Variants in DCC observed in about 807,000 individuals in gnomAD.
The protein encoded by DCC is DCC netrin 1 receptor.
Under a neutral mutation model 172.5 loss-of-function variants are expected in DCC, and 58 were observed. The observed-to-expected ratio is 0.34, with a 90% CI of 0.27 to 0.42. DCC has a LOEUF of 0.42. DCC is among the 10% of genes least tolerant of loss of function. The pLI is 1.00. For synonymous variants in DCC, 709 were observed against 644.5 expected (o/e 1.10, Z -1.52); for missense variants, 1,740 against 1,791.0 (o/e 0.97, Z 0.51).
At chr18:52,636,134 G>A (rs148777494) in intron 1 of DCC, among the ~76,000 whole-genome samples, 1 of 152,316 alleles carries the variant, frequency 6.6e-6, no homozygotes, top group East Asian at 1.9e-4. Flanking sequence ...CTGGAGCTGA[G>A]TCAATTAGGA....
chr18:53,052,514 G>A lies in DCC; in HGVS notation c.986-10791G>A, dbSNP rs1484728004. On this transcript the variant is annotated intron_variant, in intron 5 of 28. Transcript: ENST00000442544. ...GTGGCACTGTCCAGACATTCTACTT[G>A]CTCTAATGTAGTATAGGTTACTTCT... 2.6e-5 allele frequency among the ~76,000 whole-genome samples: 4 copies of A among 151,824 alleles called. No individual in the cohort carries two copies. In the East Asian group the frequency reaches 7.8e-4, roughly 30 times the overall value.
intron 14 of DCC, among the ~76,000 whole-genome samples, chr18:53,331,162 C>A (rs746002955): frequency 6.6e-6 from 1 of 152,062 alleles, no homozygotes; most frequent in African/African-American, 2.4e-5. Context: ...AAAATGAAAA[C>A]CCTAGCTTTC....
intron 2 of DCC, among the ~76,000 whole-genome samples, chr18:52,802,950 T>A (rs2038021198): frequency 6.6e-6 from 1 of 152,066 alleles, no homozygotes; most frequent in Non-Finnish European, 1.5e-5. Context: ...GAAAATGTTA[T>A]AAAGAAAACC....
chr18:52,674,385 C>T (rs1321645656), intron 1 of DCC, among the ~76,000 whole-genome samples: 1 of 152,122 alleles, frequency 6.6e-6, no homozygotes, highest in Non-Finnish European at 1.5e-5. Flanking sequence ...GAACCTTCTC[C>T]TTCCATTTGC....
intron 2 of DCC, among the ~76,000 whole-genome samples, chr18:52,886,825 T>G (rs1422316165): frequency 2.6e-5 from 4 of 152,220 alleles, no homozygotes; most frequent in Non-Finnish European, 5.9e-5. Flanking sequence ...ATTTGGTGTG[T>G]GTCAGCGGGG....
At chr18:52,608,498 G>A (rs950124057) in intron 1 of DCC, among the ~76,000 whole-genome samples, 2 of 152,136 alleles carry the variant, frequency 1.3e-5, no homozygotes, top group African/African-American at 4.8e-5. Context: ...ACTTGGAAAC[G>A]AGAGGAGGGG....
intron 1 of DCC, among the ~76,000 whole-genome samples, chr18:52,484,142 A>G (rs1446322450): frequency 2.0e-5 from 3 of 152,138 alleles, no homozygotes; most frequent in African/African-American, 7.2e-5. Context: ...CCTTATGACC[A>G]TGTACCTTCT....
intron 15 of DCC, among the ~76,000 whole-genome samples, chr18:53,380,456 T>A (rs1450948303): frequency 6.6e-6 from 1 of 152,220 alleles, no homozygotes; most frequent in Non-Finnish European, 1.5e-5. Context: ...CAATATTTTC[T>A]TGTTTTTTGT....
At chr18:52,776,524 G>A (rs1171907470) in intron 2 of DCC, among the ~76,000 whole-genome samples, 4 of 152,110 alleles carry the variant, frequency 2.6e-5, no homozygotes, top group Admixed American at 6.5e-5. Context: ...AACCAGAAAA[G>A]ATTAAATGGA....
chr18:53,144,593 C>G (rs58142657), intron 7 of DCC, among the ~76,000 whole-genome samples: 23,949 of 152,110 alleles, frequency 0.16, 2,368 homozygotes, highest in African/African-American at 0.28. Flanking sequence ...CCCACCAGGT[C>G]CCTCCCACGA....
chr18:52,404,057 G>T (rs750015845), intron 1 of DCC, among the ~76,000 whole-genome samples: 13 of 152,006 alleles, frequency 8.6e-5, no homozygotes, highest in Non-Finnish European at 1.5e-4. Context: ...GCATGTCTTT[G>T]GCTAGACAGA....
intron 26 of DCC, among the ~76,000 whole-genome samples, chr18:53,488,002 A>C (rs961803164): frequency 6.6e-6 from 1 of 152,242 alleles, no homozygotes; most frequent in Non-Finnish European, 1.5e-5. Context: ...TTCTAAAATG[A>C]AGCTCTCTGC....
intron 1 of DCC, among the ~76,000 whole-genome samples, chr18:52,378,310 GA>G (rs372325684): frequency 0.16 from 22,313 of 140,218 alleles, 1,764 homozygotes; most frequent in Non-Finnish European, 0.17. Context: ...GATCTCTAAA[GA>G]AAAAAAAAAA....
intron 2 of DCC, among the ~76,000 whole-genome samples, chr18:52,903,317 A>G (rs1471742297): frequency 6.6e-6 from 1 of 152,030 alleles, no homozygotes; most frequent in African/African-American, 2.4e-5. Flanking sequence ...TGATCCTCCC[A>G]CCTCAGCCTC....
At chr18:52,733,640 G>A (rs2036680442) in intron 1 of DCC, among the ~76,000 whole-genome samples, 1 of 152,018 alleles carries the variant, frequency 6.6e-6, no homozygotes, top group Non-Finnish European at 1.5e-5. Flanking sequence ...GACTAGAGCT[G>A]TGTACCACCA....
At chr18:52,765,033 T>TTTC (rs199774211) in intron 2 of DCC, among the ~76,000 whole-genome samples, 9 of 134,400 alleles carry the variant, frequency 6.7e-5, no homozygotes, top group African/African-American at 2.9e-4. Context: ...CTTTTTTTTC[T>TTTC]TTTTTTTTTT....
At chr18:52,860,798 G>A (rs925912424) in intron 2 of DCC, among the ~76,000 whole-genome samples, 3 of 152,108 alleles carry the variant, frequency 2.0e-5, no homozygotes, top group Non-Finnish European at 4.4e-5. Flanking sequence ...AGGAGACCGA[G>A]ACCATCCTGG....
intron 7 of DCC, among the ~76,000 whole-genome samples, chr18:53,069,954 GT>G (rs1465680420): frequency 6.7e-6 from 1 of 149,822 alleles, no homozygotes; most frequent in Non-Finnish European, 1.5e-5. Context: ...AGTTCTGTTT[GT>G]TTTGTTTTTG....
chr18:53,111,425 CA>C lies in DCC; in HGVS notation c.1261+45267del, dbSNP rs571379526. 1.4e-3 allele frequency among the ~76,000 whole-genome samples: 126 copies of C among 92,586 alleles called. 1 individual carries two copies. In the Middle Eastern group the frequency reaches 0.02, roughly 15 times the overall value. 60.7% of individuals were successfully genotyped at this position (92,586 alleles called of 152,430 possible). On this transcript the variant is annotated intron_variant, in intron 7 of 28. Coordinates refer to ENST00000442544, the MANE Select transcript of DCC (RefSeq NM_005215.4). ...AATAATAAAATAAAATAAAAAAAGA[CA>C]AAAAAAAGAAAGAAAGATTAAAAAA...
Sources: allele counts gnomAD v4.1 joint callset (sites outside exome capture counted in the v4.1 genomes callset), GRCh38; gene constraint gnomAD v4.1.1; transcripts MANE v1.5; gene names NCBI Gene and HGNC (gene_info 2026-07-23, HGNC 2026-07-21).